KHDRBS3: variants seen among roughly 807,000 people sequenced by gnomAD.
KHDRBS3 encodes KH domain-containing, RNA-binding, signal transduction-associated protein 3.
Under a neutral mutation model 45.6 loss-of-function variants are expected in KHDRBS3, and 23 were observed. The ratio of observed to expected loss-of-function variants is 0.50; its 90% CI spans 0.36 to 0.72. KHDRBS3 has a LOEUF of 0.72. Ranked by LOEUF, KHDRBS3 falls within the 30% of genes least tolerant of loss-of-function variation. The pLI is 0.00. For missense variants in KHDRBS3, 352 were observed against 424.8 expected (o/e 0.83, Z 1.51); for synonymous variants, 162 against 156.5 (o/e 1.04, Z -0.26).
intron 2 of KHDRBS3, among the ~76,000 whole-genome samples, chr8:135,533,639 G>A (rs1363422614): frequency 6.6e-6 from 1 of 152,172 alleles, no homozygotes; most frequent in African/African-American, 2.4e-5. Context: ...GGAATGTACT[G>A]ATGGACCTGC....
chr8:135,510,221 T>A (rs1747998484), intron 1 of KHDRBS3, among the ~76,000 whole-genome samples: 1 of 152,152 alleles, frequency 6.6e-6, no homozygotes, highest in African/African-American at 2.4e-5. Context: ...CCTTAGCCTC[T>A]CAAAGTACTG....
At chr8:135,497,388 T>C (rs529314824) in intron 1 of KHDRBS3, among the ~76,000 whole-genome samples, 1 of 152,308 alleles carries the variant, frequency 6.6e-6, no homozygotes, top group African/African-American at 2.4e-5. Context: ...CCTGCTTGCA[T>C]GTCTTTTCTG....
chr8:135,486,382 T>C (rs1822865179), intron 1 of KHDRBS3, among the ~76,000 whole-genome samples: 1 of 152,298 alleles, frequency 6.6e-6, no homozygotes, highest in Non-Finnish European at 1.5e-5. Flanking sequence ...TGTCTACAAG[T>C]AGTAGTACGT....
chr8:135,524,318 T>A (rs1456579911), intron 2 of KHDRBS3, among the ~76,000 whole-genome samples: 1 of 152,210 alleles, frequency 6.6e-6, no homozygotes, highest in Non-Finnish European at 1.5e-5. Flanking sequence ...GTACATTTTT[T>A]AAAATAATAT....
chr8:135,470,341 T>G, intron 1 of KHDRBS3, among the ~76,000 whole-genome samples: 1 of 152,260 alleles, frequency 6.6e-6, no homozygotes, highest in East Asian at 1.9e-4. Context: ...AGTACTAAAG[T>G]GTCTCTTTCT....
rs111544774 is a variant in KHDRBS3, at chr8:135,638,280, G to A, written c.891-6779G>A. ...GATCCCAGAGTAAAGCTGTAACAAT[G>A]CGAGGCCAAACCTCGGGTAGTCCCA... is the stretch of plus-strand genomic sequence containing the variant. On this transcript the variant is annotated intron_variant, in intron 7 of 8. Coordinates refer to ENST00000355849, the MANE Select transcript of KHDRBS3 (RefSeq NM_006558.3). Among the ~76,000 whole-genome samples the A allele has an allele frequency of 4.1e-3, 629 of 152,300 alleles. 10 individuals are homozygous for A. Among genetic ancestry groups the A allele is most frequent in the African/African-American group, 0.014 (572 of 41,562 alleles).
chr8:135,552,766 C>T (rs1241239372), intron 4 of KHDRBS3, among the ~76,000 whole-genome samples: 4 of 151,708 alleles, frequency 2.6e-5, no homozygotes, highest in Admixed American at 6.6e-5. Flanking sequence ...TTTTTTCTTG[C>T]GTTTATTTTT....
intron 1 of KHDRBS3, among the ~76,000 whole-genome samples, chr8:135,476,362 T>A (rs1822283882): frequency 6.6e-6 from 1 of 152,164 alleles, no homozygotes; most frequent in South Asian, 2.1e-4. Context: ...CAAGCTGGTC[T>A]TGAACTCCTG....
intron 1 of KHDRBS3, among the ~76,000 whole-genome samples, chr8:135,467,121 C>T (rs1173523900): frequency 1.3e-5 from 2 of 152,104 alleles, no homozygotes; most frequent in Non-Finnish European, 2.9e-5. Flanking sequence ...CTACTGTGTA[C>T]CCCCACAATT....
chr8:135,551,725 A>G (rs555484726), intron 4 of KHDRBS3, among the ~76,000 whole-genome samples: 2 of 152,016 alleles, frequency 1.3e-5, no homozygotes, highest in African/African-American at 4.8e-5. Flanking sequence ...ATTTTTCTGG[A>G]GTCTTTTATA....
chr8:135,581,947 A>G lies in KHDRBS3; in HGVS notation c.681A>G (p.Gly227=). 1 of 1,613,420 alleles carries G rather than the reference A, an allele frequency of 6.2e-7. No individual in the cohort carries two copies. Among genetic ancestry groups the G allele is most frequent in the Non-Finnish European group, 8.5e-7 (1 of 1,179,622 alleles). The change falls in exon 6 of 9, where the codon GGA becomes GGG. Residue 227 remains glycine, a synonymous_variant. Transcript: ENST00000355849. ...VVPRGTPTPR[G]VLSTRGPVSR... ...CACGAGGGACGCCAACTCCCAGAGG[A>G]GTCCTGTCCACCCGAGGGCCAGTGA... is the stretch of plus-strand genomic sequence containing the variant.
chr8:135,562,378 G>A (rs191446887), intron 5 of KHDRBS3, among the ~76,000 whole-genome samples: 80 of 152,308 alleles, frequency 5.3e-4, no homozygotes, highest in Non-Finnish European at 8.5e-4. Context: ...TGTAGCCAAG[G>A]AACAGTAGGC....
rs150512211 is a variant in KHDRBS3 at position 135,635,102 on chromosome 8, TAAAAC to T, written c.891-9953_891-9949del. 3.8e-4 allele frequency among the ~76,000 whole-genome samples: 58 copies of T among 152,306 alleles called. No individual in the cohort carries two copies. In the East Asian group the frequency reaches 0.01, roughly 26 times the overall value. On this transcript the variant is annotated intron_variant, in intron 7 of 8. Coordinates refer to ENST00000355849, the MANE Select transcript of KHDRBS3 (RefSeq NM_006558.3). ...TATTAATATTTATCATATTAGAAAT[TAAAAC>T]AAACATTTAAAAAATTTATCAATCA...
chr8:135,582,707 G>T (rs946333262), intron 6 of KHDRBS3, among the ~76,000 whole-genome samples: 5 of 152,210 alleles, frequency 3.3e-5, no homozygotes, highest in African/African-American at 1.2e-4. Context: ...ATGGATAGGT[G>T]ATTCATATTA....
At chr8:135,601,156 C>A (rs770847531) in intron 6 of KHDRBS3, among the ~76,000 whole-genome samples, 1 of 152,174 alleles carries the variant, frequency 6.6e-6, no homozygotes, top group Non-Finnish European at 1.5e-5. Flanking sequence ...AAGGATTTGG[C>A]CTGCTTTGCC....
chr8:135,539,459 A>T (rs1018363147), intron 2 of KHDRBS3: 1 of 152,234 alleles, frequency 6.6e-6, no homozygotes, highest in Non-Finnish European at 1.5e-5. Flanking sequence ...GCCTTCTCCC[A>T]CTTGCCATAG....
intron 2 of KHDRBS3, among the ~76,000 whole-genome samples, chr8:135,530,786 A>G (rs898072969): frequency 1.3e-5 from 2 of 152,062 alleles, no homozygotes; most frequent in South Asian, 2.1e-4. Flanking sequence ...TTGTCTACGC[A>G]CTTCTCTCTC....
At chr8:135,575,735 TC>T (rs1827919105) in intron 5 of KHDRBS3, among the ~76,000 whole-genome samples, 1 of 152,192 alleles carries the variant, frequency 6.6e-6, no homozygotes, top group African/African-American at 2.4e-5. Context: ...TTTTCGTATA[TC>T]CTGCATGTGG....
chr8:135,463,771 A>C (rs965843022), intron 1 of KHDRBS3, among the ~76,000 whole-genome samples: 1 of 152,194 alleles, frequency 6.6e-6, no homozygotes, highest in African/African-American at 2.4e-5. Context: ...GAGTGCCAAC[A>C]GCAACTTTGA....
Sources: allele counts gnomAD v4.1 joint callset (sites outside exome capture counted in the v4.1 genomes callset), GRCh38; gene constraint gnomAD v4.1.1; transcripts MANE v1.5; gene names NCBI Gene and HGNC (gene_info 2026-07-23, HGNC 2026-07-21).